Variants in PARVB observed in about 807,000 individuals in gnomAD.
PARVB encodes beta-parvin.
PARVB carries 46 observed loss-of-function variants against 47.0 expected under a neutral mutation model. The ratio of observed to expected loss-of-function variants is 0.98; its 90% CI spans 0.77 to 1.25. The LOEUF is 1.25. Among genes scored for constraint, PARVB ranks in the 50% most tolerant of loss-of-function variants. The probability of loss-of-function intolerance (pLI) is 0.00; values close to 1 mark genes in which losing one functional copy is unlikely to be tolerated. For missense variants in PARVB, 473 were observed against 471.6 expected, an observed-to-expected ratio of 1.00 and a Z score of -0.03; for synonymous variants, 196 against 196.3, an observed-to-expected ratio of 1.00 and a Z score of 0.01.
At chr22:44,043,141 G>A (rs527285832) in intron 1 of PARVB, among the ~76,000 whole-genome samples, 1 of 152,284 alleles carries the variant, frequency 6.6e-6, no homozygotes, top group South Asian at 2.1e-4. Context: ...AGTGAGGGAA[G>A]CCATTTGCAA....
chr22:44,021,756 G>GAC (rs1315040117), upstream of PARVB, among the ~76,000 whole-genome samples: 315 of 105,080 alleles, frequency 3.0e-3, 6 homozygotes, highest in African/African-American at 8.7e-3. Context: ...GTAAAGTCTA[G>GAC]ACTCACACAC....
chr22:44,035,960 T>C (rs1432814000), intron 1 of PARVB, among the ~76,000 whole-genome samples: 1 of 152,216 alleles, frequency 6.6e-6, no homozygotes. Flanking sequence ...GCAGTTATTA[T>C]TGAATACTGC....
At chr22:44,087,921 C>T (rs1003531975) in intron 1 of PARVB, among the ~76,000 whole-genome samples, 2 of 149,248 alleles carry the variant, frequency 1.3e-5, no homozygotes, top group African/African-American at 2.5e-5. Flanking sequence ...GGAAGCCGCA[C>T]ATATTCCACC....
At chr22:44,023,740 G>C (rs1157525122), upstream of PARVB, among the ~76,000 whole-genome samples, 2 of 151,908 alleles carry the variant, frequency 1.3e-5, 1 homozygote, top group Non-Finnish European at 2.9e-5. Context: ...TCACCTCATG[G>C]TACCGGCCTG....
chr22:44,008,002 A>T (rs934651933), intron 2 of PARVB, among the ~76,000 whole-genome samples: 2 of 152,216 alleles, frequency 1.3e-5, no homozygotes, highest in African/African-American at 4.8e-5. Flanking sequence ...TCAGAATTTC[A>T]TGTATATACG....
At chr22:44,140,199 A>G (rs1232720015) in intron 8 of PARVB, 56 bp downstream of exon 8, 1 of 1,572,380 alleles carries the variant, frequency 6.4e-7, no homozygotes, top group Non-Finnish European at 8.8e-7. Context: ...TCCCCCAGGA[A>G]GCTCCCAGAG....
intron 1 of PARVB, among the ~76,000 whole-genome samples, chr22:44,088,436 C>T (rs2052084297): frequency 6.6e-6 from 1 of 152,080 alleles, no homozygotes; most frequent in African/African-American, 2.4e-5. Flanking sequence ...AGCACAGGAC[C>T]AGCCACTCCC....
chr22:44,158,195 T>A, intron 11 of PARVB, 112 bp downstream of exon 11: 2 of 681,502 alleles, frequency 2.9e-6, no homozygotes, highest in Admixed American at 2.7e-5. Flanking sequence ...CTTCAGAAAG[T>A]AAAAAATGCA....
chr22:44,049,288 A>T lies in PARVB; in HGVS notation c.112+24837A>T, dbSNP rs1272769100. On this transcript the variant is annotated intron_variant, in intron 1 of 12. Transcript: ENST00000338758. The surrounding 1 kb of genome is among the most constrained non-coding windows in gnomAD (Gnocchi z 4.0). ...GCTGGTGTCAGAATGAACAATACCC[A>T]TAGTGCTTGGCGTAGACAATCAGCA... 1.1e-4 allele frequency among the ~76,000 whole-genome samples: 16 copies of T among 152,186 alleles called. No individual in the cohort carries two copies. The highest frequency in any genetic ancestry group is 1.5e-4 in the Non-Finnish European group (10 of 67,994).
intron 1 of PARVB, chr22:44,081,544 G>C: frequency 1.0e-6 from 1 of 953,022 alleles, no homozygotes; most frequent in Non-Finnish European, 1.2e-6. Flanking sequence ...TAATTAATAC[G>C]AGTTTCACAA....
At position 44,136,560 on chromosome 22, in the gene PARVB, C is replaced by T. The variant is rs779254813; in HGVS notation, c.692+42C>T. The stretch of plus-strand genomic sequence containing the variant: ...CTTGCCCTTCCAGGCCCTGCTGCCC[C>T]GAGTGAGTGGGACCCCAGGCTGCCA... On this transcript the variant is annotated intron_variant, in intron 7 of 12. Transcript: ENST00000338758. The T allele has an allele frequency of 2.1e-5, 32 of 1,556,794 alleles. No homozygotes were observed. In the Admixed American group the frequency reaches 2.5e-4, roughly 12 times the overall value.
At chr22:44,014,181 A>G (rs1392923878) in intron 2 of PARVB, among the ~76,000 whole-genome samples, 1 of 152,244 alleles carries the variant, frequency 6.6e-6, no homozygotes, top group Non-Finnish European at 1.5e-5. Context: ...GTTCAAACAC[A>G]CTGGACTCAG....
At chr22:44,056,426 G>C (rs2051313191) in intron 1 of PARVB, among the ~76,000 whole-genome samples, 1 of 152,238 alleles carries the variant, frequency 6.6e-6, no homozygotes, top group Non-Finnish European at 1.5e-5. Flanking sequence ...CCTGCCTGCT[G>C]AACCAGATCG....
chr22:44,082,686 G>A (rs528122646), intron 1 of PARVB, among the ~76,000 whole-genome samples: 8 of 152,168 alleles, frequency 5.3e-5, no homozygotes, highest in East Asian at 3.9e-4. Context: ...TGGGTTAGAC[G>A]GCCAACCTGA....
intron 9 of PARVB, chr22:44,151,105 T>C (rs2053797706): frequency 5.9e-6 from 1 of 168,890 alleles, no homozygotes; most frequent in African/African-American, 2.4e-5. Context: ...CTTCTGAGTA[T>C]GCCGTTTATT....
At position 44,169,748 on chromosome 22, in the gene PARVB, C is replaced by T. The variant is rs2147201635; in HGVS notation, c.*1070C>T. ...TTGAGACAGAGTCTCGCTCTGTCACCAGGCTGGAGTGCAGTGGTGTGATCT... is the reference window on the plus strand; with the variant it reads ...TTGAGACAGAGTCTCGCTCTGTCACTAGGCTGGAGTGCAGTGGTGTGATCT... On this transcript the variant is annotated 3_prime_UTR_variant, in exon 13 of 13. Transcript: ENST00000338758. 6.7e-6 allele frequency: 1 copy of T among 150,338 alleles called. No individual in the cohort carries two copies. Among genetic ancestry groups the T allele is most frequent in the Non-Finnish European group, 1.5e-5 (1 of 68,098 alleles). The allele number at this position is 150,338 out of a possible 1,614,324, so 9.3% of individuals were successfully genotyped here. A position where few individuals can be genotyped will look rare whatever the true frequency, so the allele number is the denominator to read the frequency against.
At chr22:44,115,325 C>T (rs574191890) in intron 3 of PARVB, 1 of 41,890 alleles carries the variant, frequency 2.4e-5, no homozygotes, top group African/African-American at 1.4e-4. Flanking sequence ...TGCACCAGAA[C>T]GGATACATTG....
chr22:44,102,298 A>G (rs2052467234), intron 3 of PARVB, among the ~76,000 whole-genome samples: 1 of 152,164 alleles, frequency 6.6e-6, no homozygotes, highest in African/African-American at 2.4e-5. Flanking sequence ...CACCAATTCA[A>G]ATGCTCATCT....
At chr22:44,107,753 C>A (rs6006486) in intron 3 of PARVB, 40,301 of 152,074 alleles carry the variant, frequency 0.27, 5,606 homozygotes, top group Middle Eastern at 0.4. Flanking sequence ...AGAGCTTTGG[C>A]GCTGGGAAAC....
Sources: gnomAD v4.1 joint callset for allele counts (sites outside exome capture counted in the v4.1 genomes callset) on GRCh38, gnomAD v4.1.1 for gene constraint, Gnocchi (gnomAD v3.1) non-coding constraint, MANE v1.5 for transcripts, NCBI Gene and HGNC (gene_info 2026-07-23, HGNC 2026-07-21) for gene names.